FSTL4: variants seen among roughly 807,000 people sequenced by gnomAD.
FSTL4 encodes the protein follistatin-related protein 4.
In FSTL4, 28 loss-of-function variants were observed where a neutral mutation model predicts 78.2. The observed-to-expected ratio is 0.36, with a 90% CI of 0.27 to 0.49. The LOEUF (loss-of-function observed/expected upper bound fraction) is 0.49. FSTL4 is among the 20% of genes least tolerant of loss of function. The pLI is 0.98. For synonymous variants in FSTL4, 422 were observed against 440.5 expected (o/e 0.96, Z 0.53); for missense variants, 922 against 1,084.9 (o/e 0.85, Z 2.11).
chr5:133,249,601 G>C (rs778343838), intron 6 of FSTL4, 25 bp from the exon 7 acceptor site: 34 of 1,595,500 alleles, frequency 2.1e-5, no homozygotes, highest in Non-Finnish European at 2.8e-5. Flanking sequence ...GAGGAGGCAC[G>C]GTCAGGTGCA....
intron 4 of FSTL4, among the ~76,000 whole-genome samples, chr5:133,365,515 T>A (rs752450612): frequency 2.3e-4 from 35 of 152,180 alleles, no homozygotes; most frequent in Admixed American, 9.8e-4. Flanking sequence ...GCTGATTTGC[T>A]AATCAGCACC....
intron 3 of FSTL4, among the ~76,000 whole-genome samples, chr5:133,467,253 T>C (rs979432167): frequency 1.3e-4 from 18 of 137,942 alleles, no homozygotes; most frequent in African/African-American, 5.7e-4. Context: ...AATGAGTATA[T>C]GTGAGTGTGT....
chr5:133,630,245 ATG>A, the FSTL4 span, among the ~76,000 whole-genome samples: 2 of 152,272 alleles, frequency 1.3e-5, no homozygotes, highest in Non-Finnish European at 2.9e-5. Context: ...TATTTAGAAA[ATG>A]CCATTGTCTC....
chr5:133,268,977 C>G (rs527691195), intron 6 of FSTL4, among the ~76,000 whole-genome samples: 1 of 151,768 alleles, frequency 6.6e-6, no homozygotes, highest in Admixed American at 6.6e-5. Flanking sequence ...GTCAGGAGAT[C>G]GAGACCATCC....
chr5:133,228,833 A>G (rs1221753565), intron 8 of FSTL4, among the ~76,000 whole-genome samples: 2 of 152,232 alleles, frequency 1.3e-5, no homozygotes, highest in Non-Finnish European at 2.9e-5. Context: ...GGGAAAAAAG[A>G]AAAAGGACAA....
chr5:133,470,017 TG>T (rs1261033601), intron 3 of FSTL4, among the ~76,000 whole-genome samples: 1 of 151,882 alleles, frequency 6.6e-6, no homozygotes, highest in Non-Finnish European at 1.5e-5. Flanking sequence ...GTGGTTCCTG[TG>T]GGTGTTAGCA....
chr5:133,470,736 A>C (rs1442380084), intron 3 of FSTL4, among the ~76,000 whole-genome samples: 1 of 140,840 alleles, frequency 7.1e-6, no homozygotes, highest in African/African-American at 2.7e-5. Context: ...CAAGAGTGAA[A>C]CTCTGCCTCA....
chr5:133,539,351 G>A (rs1470342096), intron 3 of FSTL4, among the ~76,000 whole-genome samples: 3 of 152,002 alleles, frequency 2.0e-5, no homozygotes, highest in Non-Finnish European at 2.9e-5. Flanking sequence ...ATCCAGGATC[G>A]AAATCAGGTT....
chr5:133,231,428 C>A (rs1254088188), intron 8 of FSTL4, among the ~76,000 whole-genome samples: 1 of 152,094 alleles, frequency 6.6e-6, no homozygotes. Flanking sequence ...AAGCTCTCTG[C>A]CAGCAATGTG....
intron 6 of FSTL4, among the ~76,000 whole-genome samples, chr5:133,293,493 C>T (rs1416198048): frequency 1.3e-5 from 2 of 152,216 alleles, no homozygotes; most frequent in Non-Finnish European, 2.9e-5. Context: ...CAACCTGCAT[C>T]CATTCCCTCC....
chr5:133,412,602 C>T (rs915205933), intron 3 of FSTL4, among the ~76,000 whole-genome samples: 3 of 152,132 alleles, frequency 2.0e-5, no homozygotes, highest in Non-Finnish European at 2.9e-5. Flanking sequence ...TAAGCATTAT[C>T]GTACAACAAA....
the FSTL4 span, among the ~76,000 whole-genome samples, chr5:133,785,872 C>A: frequency 6.6e-6 from 1 of 152,186 alleles, no homozygotes; most frequent in South Asian, 2.1e-4. Flanking sequence ...GCCCTAGTCA[C>A]CAGCAGCATG....
At chr5:133,325,441 G>A (rs972671283) in intron 4 of FSTL4, among the ~76,000 whole-genome samples, 17 of 152,134 alleles carry the variant, frequency 1.1e-4, no homozygotes, top group Non-Finnish European at 1.6e-4. Flanking sequence ...CTACTCTCAG[G>A]AGTCCCCCTT....
the FSTL4 span, among the ~76,000 whole-genome samples, chr5:133,714,024 G>A: frequency 6.6e-6 from 1 of 152,158 alleles, no homozygotes; most frequent in Non-Finnish European, 1.5e-5. Flanking sequence ...CCAGGAGGGA[G>A]ACCCTTGCTT....
the FSTL4 span, among the ~76,000 whole-genome samples, chr5:133,808,079 G>T: frequency 6.6e-6 from 1 of 152,210 alleles, no homozygotes; most frequent in African/African-American, 2.4e-5. Context: ...ATTACACAGA[G>T]AACTTCACGT....
chr5:133,484,493 A>G (rs1758093003), intron 3 of FSTL4, among the ~76,000 whole-genome samples: 1 of 152,244 alleles, frequency 6.6e-6, no homozygotes, highest in African/African-American at 2.4e-5. Flanking sequence ...ATTCTCTTAC[A>G]TTTACAAGAA....
chr5:133,556,644 T>C (rs766242820), intron 3 of FSTL4, among the ~76,000 whole-genome samples: 8 of 152,102 alleles, frequency 5.3e-5, no homozygotes, highest in Non-Finnish European at 7.4e-5. Context: ...AGAGAATCGC[T>C]TGAACCCAGG....
chr5:133,821,296 T>G, the FSTL4 span, among the ~76,000 whole-genome samples: 2 of 152,146 alleles, frequency 1.3e-5, no homozygotes, highest in East Asian at 3.9e-4. Flanking sequence ...CAGCCTGAGC[T>G]AAAGACAGAC....
intron 3 of FSTL4, among the ~76,000 whole-genome samples, chr5:133,527,492 CACA>C (rs779028960): frequency 4.6e-5 from 7 of 151,596 alleles, no homozygotes; most frequent in African/African-American, 9.7e-5. Flanking sequence ...CACACACACA[CACA>C]CACACACCCA....
Sources: gnomAD v4.1 joint callset for allele counts (sites outside exome capture counted in the v4.1 genomes callset) on GRCh38, gnomAD v4.1.1 for gene constraint, MANE v1.5 for transcripts, NCBI Gene and HGNC (gene_info 2026-07-23, HGNC 2026-07-21) for gene names.